Variants in TTC39C observed in about 807,000 individuals in gnomAD.
The protein encoded by TTC39C is tetratricopeptide repeat protein 39C.
In TTC39C, 33 loss-of-function variants were observed where a neutral mutation model predicts 76.3. That is an observed-to-expected ratio of 0.43 (90% CI 0.33 to 0.58). The LOEUF is 0.58. Ranked by LOEUF, TTC39C falls within the 20% of genes least tolerant of loss-of-function variation. The pLI, the probability that TTC39C is intolerant of heterozygous loss-of-function variation, is 0.04. For synonymous variants in TTC39C, 254 were observed against 260.6 expected, an observed-to-expected ratio of 0.97 and a Z score of 0.24; for missense variants, 595 against 701.4, an observed-to-expected ratio of 0.85 and a Z score of 1.71.
intron 1 of TTC39C, among the ~76,000 whole-genome samples, chr18:24,030,816 G>A (rs1248570969): frequency 6.6e-6 from 1 of 151,990 alleles, no homozygotes; most frequent in Non-Finnish European, 1.5e-5. Flanking sequence ...CACTACGCCC[G>A]GCTAATTTTT....
intron 7 of TTC39C, among the ~76,000 whole-genome samples, chr18:24,115,548 A>C (rs991455368): frequency 6.6e-6 from 1 of 152,240 alleles, no homozygotes; most frequent in African/African-American, 2.4e-5. Flanking sequence ...ATGAGACTCC[A>C]AAGGGAAATT....
chr18:24,014,736 C>G (rs879274096), upstream of TTC39C: 46 of 1,137,524 alleles, frequency 4.0e-5, no homozygotes, highest in African/African-American at 4.9e-5. Context: ...TCTTCCCTCC[C>G]GTCTTCTCCC....
At chr18:24,032,386 T>C (rs2083681567) in intron 1 of TTC39C, among the ~76,000 whole-genome samples, 1 of 152,244 alleles carries the variant, frequency 6.6e-6, no homozygotes, top group South Asian at 2.1e-4. Context: ...GTCACTGCCT[T>C]ATCTCATTTT....
At chr18:24,022,619 C>T in intron 1 of TTC39C, 2 of 985,396 alleles carry the variant, frequency 2.0e-6, no homozygotes, top group Non-Finnish European at 2.4e-6. Flanking sequence ...ATGCAGATTG[C>T]ACTCTGACAC....
At position 24,080,711 on chromosome 18, in the gene TTC39C, C is replaced by A. The variant is rs1230991765; in HGVS notation, c.587C>A (p.Ala196Asp). 6 of 1,614,106 alleles carry A rather than the reference C, an allele frequency of 3.7e-6. No homozygotes were observed. The highest frequency in any genetic ancestry group is 5.1e-6 in the Non-Finnish European group (6 of 1,179,980). Reference protein sequence around the residue: ...KLTEESLTSDAANDNHIVAEG... With the variant: ...KLTEESLTSDDANDNHIVAEG... ...ACTGAAGAGTCCTTGACTTCTGATGCTGCAAATGATAATCACATTGTGGCT... is the reference window on the plus strand; with the variant it reads ...ACTGAAGAGTCCTTGACTTCTGATGATGCAAATGATAATCACATTGTGGCT... The change falls in exon 5 of 14, where the codon GCT becomes GAT. Residue 196 changes from alanine to aspartate, a missense_variant. Coordinates refer to ENST00000317571, the MANE Select transcript of TTC39C (RefSeq NM_001135993.2).
Position 24,127,462 on chromosome 18 carries a change from C to T in TTC39C, c.1421-1424C>T, listed in dbSNP as rs75928849. 6.1e-3 allele frequency among the ~76,000 whole-genome samples: 928 copies of T among 152,230 alleles called. 17 individuals carry two copies. Among genetic ancestry groups the T allele is most frequent in the African/African-American group, 0.021 (877 of 41,538 alleles). On this transcript the variant is annotated intron_variant, in intron 10 of 13. Transcript: ENST00000317571. ...CTTGTAGTTTCATCCATAACCTTTC[C>T]CCACCCACCTGCCCTTCTCCACTGG...
chr18:24,046,136 C>T (rs879310060), intron 1 of TTC39C, among the ~76,000 whole-genome samples: 5 of 151,402 alleles, frequency 3.3e-5, no homozygotes, highest in Admixed American at 6.6e-5. Context: ...GATGGGGTTT[C>T]ACTGTGTTAG....
At chr18:24,020,207 GTGT>G in intron 1 of TTC39C, 1 of 1,107,790 alleles carries the variant, frequency 9.0e-7, no homozygotes, top group Non-Finnish European at 1.1e-6. Flanking sequence ...CAACTCAGTG[GTGT>G]GTTGGAAAAA....
chr18:24,073,880 A>T (rs1199981105), intron 4 of TTC39C, among the ~76,000 whole-genome samples: 1 of 152,206 alleles, frequency 6.6e-6, no homozygotes, highest in Non-Finnish European at 1.5e-5. Flanking sequence ...TGCAGGTATC[A>T]CATAGCAATA....
intron 11 of TTC39C, 116 bp downstream of exon 11, chr18:24,129,099 T>C: frequency 1.6e-6 from 1 of 640,958 alleles, no homozygotes; most frequent in Admixed American, 3.6e-5. Context: ...CACTATAAAC[T>C]TTATCCAATT....
chr18:24,069,109 CGTT>C (rs766448734), intron 3 of TTC39C, 45 bp from the exon 4 acceptor site: 3 of 1,402,686 alleles, frequency 2.1e-6, no homozygotes, highest in Admixed American at 3.4e-5. Context: ...GGGGAACTGT[CGTT>C]GTTATGTGTG....
At chr18:24,118,021 G>C in intron 7 of TTC39C, 104 bp from the exon 8 acceptor site, 1 of 813,366 alleles carries the variant, frequency 1.2e-6, no homozygotes, top group Non-Finnish European at 1.9e-6. Context: ...GCATTTCATA[G>C]AACATGCACA....
intron 1 of TTC39C, among the ~76,000 whole-genome samples, chr18:23,999,416 C>T (rs545957533): frequency 2.6e-5 from 4 of 152,322 alleles, no homozygotes; most frequent in Admixed American, 2.0e-4. Context: ...ACTTCGAAAT[C>T]GTCACAGGGG....
At chr18:24,014,671 TC>T, upstream of TTC39C, 1 of 730,072 alleles carries the variant, frequency 1.4e-6, no homozygotes, top group Non-Finnish European at 1.8e-6. Context: ...GACGCCCACC[TC>T]CCACGCCGCG....
intron 1 of TTC39C, among the ~76,000 whole-genome samples, chr18:24,018,714 G>A (rs983944247): frequency 1.3e-5 from 2 of 152,078 alleles, no homozygotes; most frequent in Admixed American, 1.3e-4. Context: ...GGCGGGGCAA[G>A]GAGAAAAGGA....
chr18:23,996,134 T>TTCA (rs2083259104), intron 1 of TTC39C, among the ~76,000 whole-genome samples: 1 of 152,192 alleles, frequency 6.6e-6, no homozygotes. Flanking sequence ...TTCATTGGGG[T>TTCA]TTAGTTTACA....
chr18:24,131,310 T>A (rs916377995), intron 12 of TTC39C, among the ~76,000 whole-genome samples: 2 of 152,180 alleles, frequency 1.3e-5, no homozygotes, highest in Non-Finnish European at 2.9e-5. Context: ...GATTTTAACC[T>A]AAGATATTAT....
intron 4 of TTC39C, among the ~76,000 whole-genome samples, chr18:24,073,412 T>A (rs914115964): frequency 6.6e-6 from 1 of 152,180 alleles, no homozygotes; most frequent in African/African-American, 2.4e-5. Context: ...GAGCTTTTAT[T>A]CACCTTGCCC....
At chr18:24,132,389 A>T in intron 13 of TTC39C, 96 bp from the exon 14 acceptor site, 1 of 970,212 alleles carries the variant, frequency 1.0e-6, no homozygotes, top group South Asian at 1.8e-5. Flanking sequence ...TAGAGATTTT[A>T]CTTTGGGAAA....
Sources: gnomAD v4.1 joint callset for allele counts (sites outside exome capture counted in the v4.1 genomes callset) on GRCh38, gnomAD v4.1.1 for gene constraint, MANE v1.5 for transcripts, NCBI Gene and HGNC (gene_info 2026-07-23, HGNC 2026-07-21) for gene names.